Variants in SIPA1L1 observed in about 807,000 individuals in gnomAD.
SIPA1L1 encodes the protein signal-induced proliferation-associated 1-like protein 1.
SIPA1L1 carries 26 observed loss-of-function variants against 162.7 expected under a neutral mutation model. The observed-to-expected ratio is 0.16, with a 90% CI of 0.12 to 0.22. The LOEUF (loss-of-function observed/expected upper bound fraction) is 0.22. Among genes scored for constraint, SIPA1L1 ranks in the 10% least tolerant of loss-of-function variants. The pLI, the probability that SIPA1L1 is intolerant of heterozygous loss-of-function variation, is 1.00. For missense variants in SIPA1L1, 1,874 were observed against 2,241.0 expected, an observed-to-expected ratio of 0.84 and a Z score of 3.31; for synonymous variants, 829 against 837.4, an observed-to-expected ratio of 0.99 and a Z score of 0.17.
chr14:71,653,826 C>G (rs976874889), intron 8 of SIPA1L1, among the ~76,000 whole-genome samples: 2 of 152,190 alleles, frequency 1.3e-5, no homozygotes, highest in Non-Finnish European at 2.9e-5. Context: ...ATTATCCCCA[C>G]TTTACAGAAT....
chr14:71,723,601 C>T (rs1334285826), intron 17 of SIPA1L1, 46 bp from the exon 18 acceptor site: 6 of 1,607,818 alleles, frequency 3.7e-6, no homozygotes, highest in Non-Finnish European at 5.1e-6. Flanking sequence ...TTATAGCTGA[C>T]ATAATGATCC....
At chr14:71,542,379 G>T (rs1449910212) in intron 4 of SIPA1L1, among the ~76,000 whole-genome samples, 1 of 136,028 alleles carries the variant, frequency 7.4e-6, no homozygotes, top group South Asian at 2.4e-4. Flanking sequence ...TGCTGCTGCT[G>T]CTGCTGCTTC....
Position 71,588,023 on chromosome 14 carries a change from A to G in SIPA1L1, c.151A>G (p.Met51Val), listed in dbSNP as rs776381332. The G allele has an allele frequency of 3.7e-6, 6 of 1,614,034 alleles. No individual in the cohort carries two copies. In the Admixed American group the frequency reaches 1.0e-4, roughly 27 times the overall value. The change falls in exon 5 of 24, where the codon ATG (methionine) becomes GTG (valine). Residue 51 changes from methionine to valine, a missense_variant. By Grantham distance (21) the Met-to-Val change is conservative. Transcript: ENST00000381232. The surrounding 1 kb of genome is among the most constrained non-coding windows in gnomAD (Gnocchi z 4.3). ...SQNGSLGSSVMAPVGPPRSEG... is the reference protein window; with the variant it reads ...SQNGSLGSSVVAPVGPPRSEG... ...AAATGGCAGCTTAGGATCATCAGTT[A>G]TGGCTCCTGTAGGACCCCCCCGAAG... is the stretch of plus-strand genomic sequence containing the variant.
intron 6 of SIPA1L1, among the ~76,000 whole-genome samples, chr14:71,622,836 G>A (rs983617444): frequency 6.6e-5 from 10 of 152,128 alleles, no homozygotes; most frequent in East Asian, 1.9e-4. Context: ...CCAGTGAGGC[G>A]TGTACCACTC....
At chr14:71,505,126 T>C (rs1041064897) in intron 2 of SIPA1L1, among the ~76,000 whole-genome samples, 3 of 152,230 alleles carry the variant, frequency 2.0e-5, no homozygotes, top group Non-Finnish European at 4.4e-5. Context: ...TAAAAAACTT[T>C]TCTCAACCTT....
intron 12 of SIPA1L1, among the ~76,000 whole-genome samples, chr14:71,678,935 G>A (rs2149474388): frequency 6.6e-6 from 1 of 152,238 alleles, no homozygotes; most frequent in East Asian, 1.9e-4. Context: ...ATGGGACTAT[G>A]TGAAAAGACC....
chr14:71,367,751 C>A (rs538420889), intron 2 of SIPA1L1, among the ~76,000 whole-genome samples: 2 of 151,302 alleles, frequency 1.3e-5, no homozygotes, highest in African/African-American at 2.4e-5. Context: ...GGATTACAGG[C>A]GCCCACTACC....
At chr14:71,673,043 A>G (rs2044699541) in intron 12 of SIPA1L1, among the ~76,000 whole-genome samples, 1 of 152,206 alleles carries the variant, frequency 6.6e-6, no homozygotes, top group Non-Finnish European at 1.5e-5. Flanking sequence ...TTGCTGCCCA[A>G]AACTCAGCAA....
intron 2 of SIPA1L1, among the ~76,000 whole-genome samples, chr14:71,421,381 C>A (rs924658259): frequency 4.6e-5 from 7 of 151,882 alleles, no homozygotes; most frequent in Non-Finnish European, 8.8e-5. Flanking sequence ...TTGCTTGAGG[C>A]CAGGGGTTTG....
At chr14:71,400,015 G>A (rs774228134) in intron 2 of SIPA1L1, among the ~76,000 whole-genome samples, 2 of 151,630 alleles carry the variant, frequency 1.3e-5, no homozygotes, top group Non-Finnish European at 2.9e-5. Flanking sequence ...TTTAGAGTTG[G>A]GATTTCACCA....
chr14:71,400,419 A>G (rs996512323), intron 2 of SIPA1L1, among the ~76,000 whole-genome samples: 2 of 152,008 alleles, frequency 1.3e-5, no homozygotes, highest in African/African-American at 2.4e-5. Flanking sequence ...TTATTTTTTT[A>G]TCCTATCATA....
intron 14 of SIPA1L1, among the ~76,000 whole-genome samples, chr14:71,699,712 T>G (rs2149794698): frequency 6.6e-6 from 1 of 152,298 alleles, no homozygotes. Flanking sequence ...CTTCCAGGAC[T>G]CTTAGATTAG....
chr14:71,716,454 G>C (rs2083278108), intron 17 of SIPA1L1, among the ~76,000 whole-genome samples: 1 of 152,306 alleles, frequency 6.6e-6, no homozygotes, highest in Middle Eastern at 3.4e-3. Flanking sequence ...GGCCAAGCTT[G>C]TCTAAAACCC....
At chr14:71,500,243 A>G (rs552512333) in intron 2 of SIPA1L1, among the ~76,000 whole-genome samples, 101 of 152,320 alleles carry the variant, frequency 6.6e-4, no homozygotes, top group African/African-American at 2.4e-3. Context: ...CATCCAACAG[A>G]GCACTCATAA....
Position 71,664,903 on chromosome 14 carries a change from C to CTGGA in SIPA1L1, c.2255+3441_2255+3444dup, listed in dbSNP as rs540874558. ...ATTTGATGTGTGTGTTAAAGCATAG[C>CTGGA]TGGATGGAATTCAATGGGAAAAAGA... On this transcript the variant is annotated intron_variant, in intron 10 of 23. Coordinates refer to ENST00000381232, the MANE Select transcript of SIPA1L1 (RefSeq NM_001386936.1). Among the ~76,000 whole-genome samples the CTGGA allele has an allele frequency of 1.6e-4, 24 of 152,098 alleles. No homozygotes were observed. In the South Asian group the frequency reaches 5.0e-3, roughly 32 times the overall value.
intron 7 of SIPA1L1, among the ~76,000 whole-genome samples, chr14:71,648,048 G>C (rs756648110): frequency 3.9e-5 from 6 of 152,118 alleles, no homozygotes; most frequent in Non-Finnish European, 7.3e-5. Flanking sequence ...CCAGCACTTT[G>C]GGAGGCCGAG....
intron 5 of SIPA1L1, among the ~76,000 whole-genome samples, chr14:71,601,552 C>A (rs1198554484): frequency 6.6e-6 from 1 of 152,016 alleles, no homozygotes; most frequent in Non-Finnish European, 1.5e-5. Flanking sequence ...CTGCAGTTTT[C>A]TTTTTTTGTT....
intron 2 of SIPA1L1, among the ~76,000 whole-genome samples, chr14:71,430,384 G>T (rs977198364): frequency 2.6e-5 from 4 of 152,078 alleles, no homozygotes; most frequent in African/African-American, 9.7e-5. Context: ...GAAGTTATCA[G>T]TCTTCATATG....
intron 4 of SIPA1L1, among the ~76,000 whole-genome samples, chr14:71,536,011 G>A (rs913032620): frequency 4.0e-5 from 6 of 151,726 alleles, no homozygotes; most frequent in East Asian, 1.9e-4. Flanking sequence ...GCCATCCTAC[G>A]GCAGCTTCAC....
Sources: allele counts gnomAD v4.1 joint callset (sites outside exome capture counted in the v4.1 genomes callset), GRCh38; gene constraint gnomAD v4.1.1; non-coding constraint Gnocchi (gnomAD v3.1); transcripts MANE v1.5; gene names NCBI Gene and HGNC (gene_info 2026-07-23, HGNC 2026-07-21).